Variants in IDUA observed in about 807,000 individuals in gnomAD.
IDUA encodes the protein alpha-L-iduronidase, also known as iduronidase alpha-L-.
IDUA carries 65 observed loss-of-function variants against 68.9 expected under a neutral mutation model. The ratio of observed to expected loss-of-function variants is 0.94; its 90% CI spans 0.77 to 1.16. IDUA has a LOEUF of 1.16. Among genes scored for constraint, IDUA ranks in the 50% most tolerant of loss-of-function variants. The probability of loss-of-function intolerance (pLI) is 0.00; values close to 1 mark genes in which losing one functional copy is unlikely to be tolerated. For synonymous variants in IDUA, 529 were observed against 433.6 expected, an observed-to-expected ratio of 1.22 and a Z score of -2.73; for missense variants, 1,046 against 938.0, an observed-to-expected ratio of 1.12 and a Z score of -1.50.
chr4:990,333 G>A (rs776530154), intron 2 of IDUA: 28 of 1,603,690 alleles, frequency 1.7e-5, no homozygotes, highest in Middle Eastern at 1.7e-4. Context: ...AGGCGGACAC[G>A]AAGCCCAGCC....
At chr4:1,003,683 G>A (rs1378221217) in intron 12 of IDUA, 58 bp downstream of exon 12, 17 of 1,588,014 alleles carry the variant, frequency 1.1e-5, no homozygotes, top group Admixed American at 3.4e-5. Context: ...CCTGGGTCCC[G>A]ACCCCTTCAC....
chr4:1,003,224 C>T, intron 10 of IDUA, 67 bp downstream of exon 10: 1 of 392,328 alleles, frequency 2.5e-6, no homozygotes, highest in Non-Finnish European at 3.6e-6. Context: ...GGGTCCGGGG[C>T]GGGGGCTCCG....
chr4:1,001,217 CCCTGGGGT>C, intron 4 of IDUA: 1 of 619,730 alleles, frequency 1.6e-6, no homozygotes, highest in Non-Finnish European at 2.9e-6. Context: ...GGCCCTGGGC[CCCTGGGGT>C]GGGGGGTACT....
At chr4:990,355 A>G in intron 2 of IDUA, 1 of 1,598,736 alleles carries the variant, frequency 6.3e-7, no homozygotes, top group Non-Finnish European at 8.5e-7. Flanking sequence ...GAGGACGCCC[A>G]TGAGGACCTG....
chr4:993,802 A>G (rs1414616349), intron 2 of IDUA, among the ~76,000 whole-genome samples: 1 of 152,236 alleles, frequency 6.6e-6, no homozygotes, highest in Admixed American at 6.5e-5. Context: ...GCAAGGAGCC[A>G]GCCTGGTCCA....
rs149867035 is a variant in IDUA, at chr4:991,160, T to C, written c.299+3211T>C. On this transcript the variant is annotated intron_variant, in intron 2 of 13. Coordinates refer to ENST00000514224, the MANE Select transcript of IDUA (RefSeq NM_000203.5). The stretch of plus-strand genomic sequence containing the variant: ...AGCCCGGTCATCAGCGTGAGGGCGG[T>C]GGCGACACGGATGGCGTAGCAGTCA... The C allele has an allele frequency of 1.9e-4, 299 of 1,560,046 alleles. No homozygotes were observed. The African/African-American group carries it at 3.4e-3, about 18-fold the overall frequency.
At chr4:997,912 CCCCG>C (rs1406245699) in intron 2 of IDUA, among the ~76,000 whole-genome samples, 2 of 152,242 alleles carry the variant, frequency 1.3e-5, no homozygotes, top group African/African-American at 4.8e-5. Context: ...CTGGGGCTCC[CCCCG>C]CTAGGGTCAG....
chr4:988,071 G>A, intron 2 of IDUA, 122 bp downstream of exon 2: 6 of 1,463,822 alleles, frequency 4.1e-6, no homozygotes, highest in Non-Finnish European at 5.4e-6. Context: ...GCACCCTGTT[G>A]GGGAGAGCGT....
In IDUA at chr4:999,212, AAAAAAAG is replaced by A. The variant is rs1231269632; in HGVS notation, c.300-1387_300-1381del. Among the ~76,000 whole-genome samples, 237 of 151,992 alleles carry A rather than the reference AAAAAAAG, an allele frequency of 1.6e-3. 1 individual carries two copies. Among genetic ancestry groups the A allele is most frequent in the African/African-American group, 5.6e-3 (232 of 41,450 alleles). On this transcript the variant is annotated intron_variant, in intron 2 of 13. Transcript: ENST00000514224. ...AGAGTGAGACTCTGTCTCAAAAAAA[AAAAAAAG>A]AAAAAAGAAAAATGCCCTGGCACTG...
rs547282991 is a variant in IDUA, at chr4:988,986, C to T, written c.299+1037C>T. The T allele has an allele frequency of 1.7e-4, 269 of 1,593,842 alleles. 3 individuals carry two copies. The South Asian group carries it at 2.4e-3, about 14-fold the overall frequency. ...CTCTGCTCAGAATGTCTCTCACAGG[C>T]GGGCTGCAGCAGGCTAGCAGCAGGC... On this transcript the variant is annotated intron_variant, in intron 2 of 13. Transcript: ENST00000514224.
intron 2 of IDUA, among the ~76,000 whole-genome samples, chr4:998,972 A>G (rs1180690853): frequency 2.6e-5 from 4 of 152,108 alleles, no homozygotes; most frequent in Non-Finnish European, 5.9e-5. Context: ...CTGGAAGCCA[A>G]GGTGGGCGGA....
rs370478699 is a variant in IDUA, at chr4:996,569, T to C, written c.300-4043T>C. 4.7e-3 allele frequency among the ~76,000 whole-genome samples: 708 copies of C among 152,220 alleles called. 35 individuals carry two copies. The South Asian group carries it at 0.1, about 22-fold the overall frequency. On this transcript the variant is annotated intron_variant, in intron 2 of 13. Coordinates refer to ENST00000514224, the MANE Select transcript of IDUA (RefSeq NM_000203.5). ...GAGGTTTTAGGCAGGTGAGCGTAGT[T>C]CAGGAACAGCCTCAGCCGCACTGCA...
At position 987,251 on chromosome 4, in the gene IDUA, T is replaced by C; in HGVS notation, c.158+9T>C. The C allele has an allele frequency of 6.6e-7, 1 of 1,513,466 alleles. No homozygotes were observed. Among genetic ancestry groups the C allele is most frequent in the South Asian group, 1.2e-5 (1 of 81,884 alleles). 93.8% of individuals were successfully genotyped at this position (1,513,466 alleles called of 1,614,324 possible). A position where few individuals can be genotyped will look rare whatever the true frequency, so the allele number is the denominator to read the frequency against. On this transcript the variant is annotated intron_variant, in intron 1 of 13. Coordinates refer to ENST00000514224, the MANE Select transcript of IDUA (RefSeq NM_000203.5). Reference sequence around the variant, plus strand: ...AGGAGCACAGGCTTCTGGTGAGCGCTCCGCGGCCTCCGGGACCCCCTGGCC... The same window carrying C: ...AGGAGCACAGGCTTCTGGTGAGCGCCCCGCGGCCTCCGGGACCCCCTGGCC...
Position 987,529 on chromosome 4 carries a change from C to T in IDUA, c.159-280C>T, listed in dbSNP as rs546015673. On this transcript the variant is annotated intron_variant, in intron 1 of 13. Transcript: ENST00000514224. ...GGACGGCCCTGCAGCGGGACCTGGC[C>T]TGCCTGTCCCATTCCTTCCACCTAG... is the stretch of plus-strand genomic sequence containing the variant. The T allele has an allele frequency of 2.1e-4, 205 of 995,054 alleles. 2 individuals carry two copies. In the African/African-American group the frequency reaches 3.1e-3, roughly 15 times the overall value. 61.6% of individuals were successfully genotyped at this position (995,054 alleles called of 1,614,324 possible). A position where few individuals can be genotyped will look rare whatever the true frequency, so the allele number is the denominator to read the frequency against.
At position 1,004,550 on chromosome 4, in the gene IDUA, G is replaced by T. The variant is rs533285487; in HGVS notation, c.*157G>T. ...TGGTACCAACGCCCCCTTTAAAGCG[G>T]CTTTGCACAGGTCAGTCTCGGGTTG... On this transcript the variant is annotated 3_prime_UTR_variant, in exon 14 of 14. Transcript: ENST00000514224. The surrounding 1 kb of genome is among the most constrained non-coding windows in gnomAD (Gnocchi z 5.0). 2.7e-6 allele frequency: 2 copies of T among 744,992 alleles called. No homozygotes were observed. The highest frequency in any genetic ancestry group is 5.6e-5 in the East Asian group (2 of 35,702). 46.1% of individuals were successfully genotyped at this position (744,992 alleles called of 1,614,324 possible).
At chr4:989,640 C>G (rs1302423004) in intron 2 of IDUA, 1 of 1,593,140 alleles carries the variant, frequency 6.3e-7, no homozygotes, top group African/African-American at 1.3e-5. Flanking sequence ...GGTCGTGGAA[C>G]AGCGGTGCCA....
intron 2 of IDUA, 62 bp downstream of exon 2, chr4:988,011 AG>A: frequency 6.7e-7 from 1 of 1,488,942 alleles, no homozygotes. Context: ...ATGGGAGGGG[AG>A]GGCTGGGGGC....
intron 2 of IDUA, chr4:991,762 G>T: frequency 6.5e-7 from 1 of 1,529,212 alleles, no homozygotes; most frequent in Non-Finnish European, 8.7e-7. Context: ...GGTCACAGGA[G>T]CCCCCGGATC....
chr4:1,004,184 C>T lies in IDUA; in HGVS notation c.1828+72C>T, dbSNP rs918177754. The T allele has an allele frequency of 8.1e-6, 13 of 1,610,896 alleles. No individual in the cohort carries two copies. The Admixed American group carries it at 2.0e-4, about 25-fold the overall frequency. ...GCCTCAGGGCAGTACTGGGTGGGGG[C>T]CTCGAGAAGCCTGGGGTCAGGGGGC... is the stretch of plus-strand genomic sequence containing the variant. On this transcript the variant is annotated intron_variant, in intron 13 of 13. Transcript: ENST00000514224. The surrounding 1 kb of genome is among the most constrained non-coding windows in gnomAD (Gnocchi z 5.0).
Sources: gnomAD v4.1 joint callset for allele counts (sites outside exome capture counted in the v4.1 genomes callset) on GRCh38, gnomAD v4.1.1 for gene constraint, Gnocchi (gnomAD v3.1) non-coding constraint, MANE v1.5 for transcripts, NCBI Gene and HGNC (gene_info 2026-07-23, HGNC 2026-07-21) for gene names.